Variants in NELFB observed in about 807,000 individuals in gnomAD.
NELFB encodes negative elongation factor B.
A neutral mutation model predicts 60.2 loss-of-function variants in NELFB; 34 were observed. The observed-to-expected ratio is 0.56, with a 90% CI of 0.43 to 0.75. The LOEUF (loss-of-function observed/expected upper bound fraction) is 0.75, where lower values mean the gene tolerates loss of function less well. Among genes scored for constraint, NELFB ranks in the 30% least tolerant of loss-of-function variants. NELFB has a pLI of 0.00. For missense variants in NELFB, 770 were observed against 831.6 expected, an observed-to-expected ratio of 0.93 and a Z score of 0.91; for synonymous variants, 459 against 382.1, an observed-to-expected ratio of 1.20 and a Z score of -2.35.
In NELFB at chr9:137,272,922, G is replaced by T; in HGVS notation, c.1881G>T (p.Pro627=). 1.3e-6 allele frequency: 2 copies of T among 1,528,952 alleles called. No homozygotes were observed. Among genetic ancestry groups the T allele is most frequent in the Middle Eastern group, 2.1e-4 (1 of 4,734 alleles). 94.7% of individuals were successfully genotyped at this position (1,528,952 alleles called of 1,614,324 possible). A position where few individuals can be genotyped will look rare whatever the true frequency, so the allele number is the denominator to read the frequency against. Residue 627 remains proline (P), a synonymous_variant, in exon 13 of 13, where the codon CCG becomes CCT. Coordinates refer to ENST00000343053, the MANE Select transcript of NELFB (RefSeq NM_015456.5). ...TCCCCAGCGTGCCCGCCCCTGCCCC[G>T]CTCTGAGGGCCCTCCAGACCTGCTC... is the stretch of plus-strand genomic sequence containing the variant.
In NELFB at chr9:137,255,556, T is replaced by C; in HGVS notation, c.191T>C (p.Leu64Pro). 2 of 1,549,084 alleles carry C rather than the reference T, an allele frequency of 1.3e-6. No homozygotes were observed. Among genetic ancestry groups the C allele is most frequent in the Non-Finnish European group, 1.7e-6 (2 of 1,146,912 alleles). The change falls in exon 1 of 13, where the codon CTG becomes CCG. Residue 64 changes from leucine to proline, a missense_variant. Physicochemically the swap from Leu to Pro is moderately conservative, Grantham distance 98. Transcript: ENST00000343053. ...CTGGGCGTGGCCAACGGCGAGGACC[T>C]GAAGGAGACCCTGACCAACTGCACG...
intron 4 of NELFB, among the ~76,000 whole-genome samples, chr9:137,258,413 C>T (rs76854082): frequency 0.026 from 3,885 of 150,940 alleles, 69 homozygotes; most frequent in Non-Finnish European, 0.035. Flanking sequence ...TAGGTGTGAG[C>T]GACCACAACT....
intron 4 of NELFB, among the ~76,000 whole-genome samples, chr9:137,257,779 G>C (rs1430133526): frequency 1.4e-5 from 2 of 146,330 alleles, no homozygotes; most frequent in African/African-American, 5.0e-5. Context: ...TGGGATTACA[G>C]GGGTGAGCCA....
rs1380595651 is a variant in NELFB, at chr9:137,255,447, G to A, written c.82G>A (p.Ala28Thr). The A allele has an allele frequency of 1.4e-6, 2 of 1,418,194 alleles. No individual in the cohort carries two copies. The highest frequency in any genetic ancestry group is 1.9e-6 in the Non-Finnish European group (2 of 1,072,306). 87.9% of individuals were successfully genotyped at this position (1,418,194 alleles called of 1,614,324 possible). A position where few individuals can be genotyped will look rare whatever the true frequency, so the allele number is the denominator to read the frequency against. Residue 28 changes from alanine to threonine, a missense_variant, in exon 1 of 13, where the codon GCG (alanine) becomes ACG (threonine). Coordinates refer to ENST00000343053, the MANE Select transcript of NELFB (RefSeq NM_015456.5). ...GGAGCGGGCTTCTGGGGTGTCTGCG[G>A]CGGCGCCGGGGGAACGGGCTGGGGA...
At chr9:137,262,441 A>C (rs992454250) in intron 4 of NELFB, among the ~76,000 whole-genome samples, 3 of 152,040 alleles carry the variant, frequency 2.0e-5, no homozygotes, top group African/African-American at 7.3e-5. Flanking sequence ...TTCTGGTCAC[A>C]CCTCACTATG....
At chr9:137,260,109 G>C (rs1469484386) in intron 4 of NELFB, among the ~76,000 whole-genome samples, 1 of 149,012 alleles carries the variant, frequency 6.7e-6, no homozygotes, top group Non-Finnish European at 1.5e-5. Flanking sequence ...GAGTGCAGTG[G>C]TGCAATCTCG....
Position 137,255,759 on chromosome 9 carries a change from C to G in NELFB, c.246+148C>G, listed in dbSNP as rs908444807. The G allele has an allele frequency of 6.1e-6, 9 of 1,470,242 alleles. No individual in the cohort carries two copies. The Admixed American group carries it at 1.4e-4, about 22-fold the overall frequency. 91.1% of individuals were successfully genotyped at this position (1,470,242 alleles called of 1,614,324 possible). On this transcript the variant is annotated intron_variant, in intron 1 of 12. Coordinates refer to ENST00000343053, the MANE Select transcript of NELFB (RefSeq NM_015456.5). ...GGGGTGGAGTCCGGAGCCAGCACCC[C>G]TTTGCTGGACGGCTGGGTGGCTTTC... is the stretch of plus-strand genomic sequence containing the variant.
At position 137,256,424 on chromosome 9, in the gene NELFB, C is replaced by A. The variant is rs774211433; in HGVS notation, c.506C>A (p.Pro169His). 6.2e-7 allele frequency: 1 copy of A among 1,613,308 alleles called. No homozygotes were observed. The highest frequency in any genetic ancestry group is 1.3e-5 in the African/African-American group (1 of 75,016). The change falls in exon 3 of 13, where the codon CCC becomes CAC. Residue 169 changes from proline to histidine, a missense_variant. Transcript: ENST00000343053. ...GTGATGTGCGTCATGAAGCACCTGC[C>A]CAAGGTAGGGCCCTAACCCTAACCC...
chr9:137,256,210 T>G, intron 2 of NELFB, 119 bp from the exon 3 acceptor site: 1 of 1,331,910 alleles, frequency 7.5e-7, no homozygotes, highest in Non-Finnish European at 1.1e-6. Flanking sequence ...AGTGACCCCT[T>G]GACCCATGTG....
At chr9:137,264,144 T>C (rs2118982698) in intron 5 of NELFB, 101 bp from the exon 6 acceptor site, 2 of 854,150 alleles carry the variant, frequency 2.3e-6, no homozygotes, top group South Asian at 1.5e-5. Context: ...GCAGCAGCTA[T>C]GATTGAACAA....
chr9:137,261,076 C>G (rs1414791294), intron 4 of NELFB, among the ~76,000 whole-genome samples: 1 of 151,024 alleles, frequency 6.6e-6, no homozygotes, highest in Admixed American at 6.6e-5. Flanking sequence ...GGCGCAGTGA[C>G]TCACGCCTGT....
At chr9:137,268,799 CAG>C (rs1040247843) in intron 10 of NELFB, among the ~76,000 whole-genome samples, 2 of 151,788 alleles carry the variant, frequency 1.3e-5, no homozygotes, top group African/African-American at 2.4e-5. Flanking sequence ...ATGAGAGACA[CAG>C]AGACAGAGAT....
chr9:137,266,662 G>A lies in NELFB; in HGVS notation c.1239+236G>A, dbSNP rs117733683. 4.2e-3 allele frequency among the ~76,000 whole-genome samples: 639 copies of A among 152,238 alleles called. 2 individuals are homozygous for A. The highest frequency in any genetic ancestry group is 0.018 in the East Asian group (95 of 5,180). The stretch of plus-strand genomic sequence containing the variant: ...CATGGCCCGTGGCTGGTTCTGGGGT[G>A]TCTCCGTGGACCGTGGCTTGTTCTG... On this transcript the variant is annotated intron_variant, in intron 8 of 12. Coordinates refer to ENST00000343053, the MANE Select transcript of NELFB (RefSeq NM_015456.5).
intron 5 of NELFB, among the ~76,000 whole-genome samples, chr9:137,264,017 C>T (rs553425847): frequency 1.2e-4 from 19 of 152,314 alleles, no homozygotes; most frequent in South Asian, 4.1e-4. Flanking sequence ...TGAAGGAGTC[C>T]GTTTTTAGAA....
Position 137,267,396 on chromosome 9 carries a change from C to T in NELFB, c.1489+50C>T, listed in dbSNP as rs374507529. On this transcript the variant is annotated intron_variant, in intron 10 of 12. Coordinates refer to ENST00000343053, the MANE Select transcript of NELFB (RefSeq NM_015456.5). ...GCTGTGTCTTCCCTGCGGCAGCTGC[C>T]GTATGCAGTCCTGCCCAGGGTGCGG... is the stretch of plus-strand genomic sequence containing the variant. The T allele has an allele frequency of 2.1e-4, 328 of 1,527,322 alleles. 1 individual carries two copies. Among genetic ancestry groups the T allele is most frequent in the Non-Finnish European group, 2.6e-4 (294 of 1,126,888 alleles). The allele number at this position is 1,527,322 out of a possible 1,614,324, so 94.6% of individuals were successfully genotyped here. A position where few individuals can be genotyped will look rare whatever the true frequency, so the allele number is the denominator to read the frequency against.
chr9:137,256,482 C>T, intron 3 of NELFB, 54 bp downstream of exon 3: 1 of 1,526,682 alleles, frequency 6.6e-7, no homozygotes, highest in East Asian at 2.3e-5. Context: ...ACTCTCATGC[C>T]CTTGGTTAGT....
chr9:137,272,419 C>T, intron 11 of NELFB, 88 bp from the exon 12 acceptor site: 1 of 1,463,916 alleles, frequency 6.8e-7, no homozygotes, highest in Non-Finnish European at 9.2e-7. Flanking sequence ...TGTCCTGTCT[C>T]CAGGGGCCTT....
At chr9:137,272,012 T>G (rs1292223730) in intron 10 of NELFB, 69 bp from the exon 11 acceptor site, 5 of 1,595,956 alleles carry the variant, frequency 3.1e-6, no homozygotes, top group Non-Finnish European at 4.3e-6. Context: ...CTGAGGTCTT[T>G]GAGGACAAGG....
chr9:137,265,196 T>C (rs1042585296), intron 6 of NELFB, among the ~76,000 whole-genome samples: 3 of 151,692 alleles, frequency 2.0e-5, no homozygotes, highest in Non-Finnish European at 4.4e-5. Flanking sequence ...ATTTTTGTTA[T>C]CTTTAGTAGA....
Sources: allele counts gnomAD v4.1 joint callset (sites outside exome capture counted in the v4.1 genomes callset), GRCh38; gene constraint gnomAD v4.1.1; transcripts MANE v1.5; gene names NCBI Gene and HGNC (gene_info 2026-07-23, HGNC 2026-07-21).